The following RABGAP1L variants were observed in gnomAD, a reference collection of about 807,000 sequenced individuals.
RABGAP1L encodes RAB GTPase activating protein 1 like.
A neutral mutation model predicts 137.7 loss-of-function variants in RABGAP1L; 63 were observed. That is an observed-to-expected ratio of 0.46 (90% CI 0.37 to 0.56). The LOEUF (loss-of-function observed/expected upper bound fraction) is 0.56, where lower values mean the gene tolerates loss of function less well. Among genes scored for constraint, RABGAP1L ranks in the 20% least tolerant of loss-of-function variants. The probability of loss-of-function intolerance (pLI) is 0.00; values close to 1 mark genes in which losing one functional copy is unlikely to be tolerated. For synonymous variants in RABGAP1L, 431 were observed against 433.7 expected (o/e 0.99, Z 0.08); for missense variants, 1,095 against 1,244.0 (o/e 0.88, Z 1.80).
chr1:174,981,565 T>TTTTTTTTTTTTTTTTTTTTTTTTTTTG (rs1671122936), intron 23 of RABGAP1L, among the ~76,000 whole-genome samples: 1 of 133,376 alleles, frequency 7.5e-6, no homozygotes, highest in Non-Finnish European at 1.6e-5. Flanking sequence ...TTTTTTTTTT[T>TTTTTTTTTTTTTTTTTTTTTTTTTTTG]TTTTTTTTTT....
chr1:174,930,851 A>T (rs906201978), intron 19 of RABGAP1L, among the ~76,000 whole-genome samples: 1 of 152,204 alleles, frequency 6.6e-6, no homozygotes, highest in African/African-American at 2.4e-5. Context: ...CATAACCATA[A>T]TATTGATATC....
At chr1:174,198,064 A>G (rs1667828336) in intron 1 of RABGAP1L, among the ~76,000 whole-genome samples, 1 of 152,214 alleles carries the variant, frequency 6.6e-6, no homozygotes, top group Admixed American at 6.5e-5. Flanking sequence ...TATCATGATC[A>G]ACTGGAAACC....
At chr1:174,481,844 T>C (rs991075375) in intron 13 of RABGAP1L, among the ~76,000 whole-genome samples, 1 of 146,664 alleles carries the variant, frequency 6.8e-6, no homozygotes, top group African/African-American at 2.5e-5. Flanking sequence ...CTGCACAATG[T>C]GCACATGTAC....
intron 13 of RABGAP1L, among the ~76,000 whole-genome samples, chr1:174,548,796 G>C (rs1666220650): frequency 6.6e-6 from 1 of 151,844 alleles, no homozygotes; most frequent in African/African-American, 2.4e-5. Context: ...AGCTGCATAG[G>C]TTTAAGTAAC....
intron 13 of RABGAP1L, among the ~76,000 whole-genome samples, chr1:174,561,031 G>A (rs1284032449): frequency 6.6e-6 from 1 of 152,110 alleles, no homozygotes; most frequent in African/African-American, 2.4e-5. Flanking sequence ...AACAAACAAG[G>A]CCCTGAGGTC....
At chr1:174,268,596 G>GAGAT (rs954527720) in intron 7 of RABGAP1L, among the ~76,000 whole-genome samples, 17 of 152,120 alleles carry the variant, frequency 1.1e-4, no homozygotes, top group African/African-American at 3.9e-4. Flanking sequence ...TATCTTCATG[G>GAGAT]AGATATATGT....
chr1:174,380,228 A>C (rs568259583), intron 12 of RABGAP1L, among the ~76,000 whole-genome samples: 1 of 152,106 alleles, frequency 6.6e-6, no homozygotes, highest in Non-Finnish European at 1.5e-5. Context: ...ATGTTCATCA[A>C]GTATATTGGT....
chr1:174,915,419 A>G (rs1040189507), intron 19 of RABGAP1L, among the ~76,000 whole-genome samples: 1 of 151,634 alleles, frequency 6.6e-6, no homozygotes, highest in South Asian at 2.1e-4. Flanking sequence ...CATGCCCTTT[A>G]TATATTTTCT....
chr1:174,412,136 TGTTTATACCCCAAACTTG>T (rs1408538496), intron 13 of RABGAP1L, among the ~76,000 whole-genome samples: 1 of 152,158 alleles, frequency 6.6e-6, no homozygotes, highest in Non-Finnish European at 1.5e-5. Context: ...TAGACATACT[TGTTTATACCCCAAACTTG>T]GGCGTGTATA....
chr1:174,582,970 G>T (rs1316669840), intron 13 of RABGAP1L, among the ~76,000 whole-genome samples: 5 of 152,036 alleles, frequency 3.3e-5, no homozygotes, highest in African/African-American at 1.2e-4. Context: ...CTTTATTAGG[G>T]ATTTCAAATT....
chr1:174,350,385 G>C (rs1683029151), intron 11 of RABGAP1L, among the ~76,000 whole-genome samples: 1 of 88,060 alleles, frequency 1.1e-5, no homozygotes, highest in Non-Finnish European at 2.3e-5. Flanking sequence ...GGGGCGGCCG[G>C]GCAGAGACGC....
intron 11 of RABGAP1L, among the ~76,000 whole-genome samples, chr1:174,342,235 T>C (rs1216467431): frequency 6.6e-6 from 1 of 152,098 alleles, no homozygotes; most frequent in Non-Finnish European, 1.5e-5. Context: ...AGAGAGGGGA[T>C]TGGTCAGAAA....
chr1:174,334,672 C>T (rs1303670213), intron 11 of RABGAP1L, among the ~76,000 whole-genome samples: 2 of 152,088 alleles, frequency 1.3e-5, no homozygotes, highest in African/African-American at 2.4e-5. Context: ...TCTTTTTTTC[C>T]ACCAAATAGG....
At chr1:174,835,604 T>TA (rs974207127) in intron 19 of RABGAP1L, among the ~76,000 whole-genome samples, 17 of 152,150 alleles carry the variant, frequency 1.1e-4, no homozygotes, top group Non-Finnish European at 1.8e-4. Flanking sequence ...TTTCTTTTCT[T>TA]TCTGCTGACA....
chr1:174,715,570 C>T (rs1680929223), intron 17 of RABGAP1L, among the ~76,000 whole-genome samples: 1 of 152,224 alleles, frequency 6.6e-6, no homozygotes, highest in Non-Finnish European at 1.5e-5. Context: ...TCCAAACAGA[C>T]TGCAGCCCTT....
At chr1:174,459,230 T>C (rs1006582510) in intron 13 of RABGAP1L, among the ~76,000 whole-genome samples, 2 of 152,188 alleles carry the variant, frequency 1.3e-5, no homozygotes, top group African/African-American at 4.8e-5. Context: ...AGGTATTTGA[T>C]ACATTATTTA....
At chr1:174,611,080 T>G (rs535211716) in intron 13 of RABGAP1L, among the ~76,000 whole-genome samples, 3 of 149,224 alleles carry the variant, frequency 2.0e-5, no homozygotes, top group Non-Finnish European at 4.4e-5. Flanking sequence ...TTTGTCAATT[T>G]TGGCTTTTGT....
At chr1:174,442,042 G>A (rs1654219226) in intron 13 of RABGAP1L, among the ~76,000 whole-genome samples, 1 of 151,732 alleles carries the variant, frequency 6.6e-6, no homozygotes, top group Non-Finnish European at 1.5e-5. Context: ...GAAATTTTCT[G>A]AATGATATTT....
At chr1:174,637,565 C>G (rs951895081) in intron 14 of RABGAP1L, 77 bp downstream of exon 14, 3 of 1,043,590 alleles carry the variant, frequency 2.9e-6, no homozygotes, top group African/African-American at 1.6e-5. Flanking sequence ...GATTTTTTTA[C>G]TCTGTCTTCA....
Sources: allele counts gnomAD v4.1 joint callset (sites outside exome capture counted in the v4.1 genomes callset), GRCh38; gene constraint gnomAD v4.1.1; transcripts MANE v1.5; gene names NCBI Gene and HGNC (gene_info 2026-07-23, HGNC 2026-07-21).